The following BICD2 variants were observed in gnomAD, a reference collection of about 807,000 sequenced individuals.
The protein encoded by BICD2 is protein bicaudal D homolog 2.
Under a neutral mutation model 72.9 loss-of-function variants are expected in BICD2, and 25 were observed. The ratio of observed to expected loss-of-function variants is 0.34; its 90% CI spans 0.25 to 0.48. BICD2 has a LOEUF of 0.48. Among genes scored for constraint, BICD2 ranks in the 20% least tolerant of loss-of-function variants. BICD2 has a pLI of 0.99. For missense variants in BICD2, 894 were observed against 1,175.2 expected (o/e 0.76, Z 3.50); for synonymous variants, 501 against 516.1 (o/e 0.97, Z 0.40).
At chr9:92,760,016 A>G (rs10992451) in intron 1 of BICD2, among the ~76,000 whole-genome samples, 41,815 of 152,094 alleles carry the variant, frequency 0.27, 6,864 homozygotes, top group East Asian at 0.76. Context: ...GGGGGCTCAC[A>G]GAGCACTGGG....
intron 2 of BICD2, 43 bp downstream of exon 2, chr9:92,728,972 ACACTGGTGG>A: frequency 6.3e-7 from 1 of 1,577,564 alleles, no homozygotes; most frequent in Non-Finnish European, 8.6e-7. Context: ...CTGCTATGTG[ACACTGGTGG>A]CACTGCTGCA....
At chr9:92,750,416 A>G (rs867047269) in intron 1 of BICD2, among the ~76,000 whole-genome samples, 2 of 152,170 alleles carry the variant, frequency 1.3e-5, no homozygotes, top group Middle Eastern at 6.8e-3. Context: ...ATAGGTGAAC[A>G]GATAAATTGT....
intron 1 of BICD2, among the ~76,000 whole-genome samples, chr9:92,736,678 G>A (rs558357588): frequency 6.6e-6 from 1 of 152,278 alleles, no homozygotes; most frequent in South Asian, 2.1e-4. Flanking sequence ...TTTCTTGCGT[G>A]AGATTCAAGA....
Position 92,714,017 on chromosome 9 carries a change from A to G in BICD2, c.*1137T>C, listed in dbSNP as rs1853248199. The G allele has an allele frequency of 1.0e-6, 1 of 986,690 alleles. No individual in the cohort carries two copies. 61.1% of individuals were successfully genotyped at this position (986,690 alleles called of 1,614,324 possible). On this transcript the variant is annotated 3_prime_UTR_variant, in exon 7 of 7. Coordinates refer to ENST00000356884, the MANE Select transcript of BICD2 (RefSeq NM_001003800.2). The stretch of plus-strand genomic sequence containing the variant: ...AGAAAAGTTCTGCTCAGAATGTGGG[A>G]AGGCAGGTGTGGATGGAGCCTCTGG...
intron 2 of BICD2, among the ~76,000 whole-genome samples, chr9:92,727,988 C>T (rs1587674868): frequency 6.6e-6 from 1 of 152,234 alleles, no homozygotes; most frequent in East Asian, 1.9e-4. Context: ...GAGGCCCTGG[C>T]AGGGCTCAAT....
intron 2 of BICD2, among the ~76,000 whole-genome samples, chr9:92,727,189 C>G (rs1203731388): frequency 3.3e-5 from 5 of 152,164 alleles, no homozygotes; most frequent in Non-Finnish European, 5.9e-5. Flanking sequence ...TCTCTGACCC[C>G]TCACTCCGCT....
chr9:92,749,263 C>T (rs138435907), intron 1 of BICD2, among the ~76,000 whole-genome samples: 5 of 152,190 alleles, frequency 3.3e-5, no homozygotes, highest in African/African-American at 7.2e-5. Flanking sequence ...TCAAGCTGTA[C>T]GCTGCAGGAC....
chr9:92,713,575 G>A lies in BICD2; in HGVS notation c.*1579C>T. ...GGCGCGAGCACGTTAGTTGGCAGAA[G>A]AGAAGACCTGCATGTGTTAGCAGGG... On this transcript the variant is annotated 3_prime_UTR_variant, in exon 7 of 7. Transcript: ENST00000356884. The A allele has an allele frequency of 6.5e-7, 1 of 1,542,348 alleles. No homozygotes were observed.
At chr9:92,717,676 C>G in intron 6 of BICD2, 121 bp downstream of exon 6, 2 of 1,313,102 alleles carry the variant, frequency 1.5e-6, no homozygotes, top group Non-Finnish European at 1.0e-6. Flanking sequence ...CTGGGCACAG[C>G]CACTGACTAG....
intron 1 of BICD2, among the ~76,000 whole-genome samples, chr9:92,738,945 T>G (rs1157393521): frequency 6.6e-6 from 1 of 152,234 alleles, no homozygotes; most frequent in Non-Finnish European, 1.5e-5. Flanking sequence ...CATAGCCAGC[T>G]GGTCCCACAC....
intron 1 of BICD2, among the ~76,000 whole-genome samples, chr9:92,747,546 G>A (rs556376568): frequency 6.6e-6 from 1 of 152,208 alleles, no homozygotes; most frequent in African/African-American, 2.4e-5. Context: ...GGGCAGGATG[G>A]AAAAGTCCAG....
At chr9:92,740,769 C>T (rs1442422715) in intron 1 of BICD2, among the ~76,000 whole-genome samples, 1 of 152,058 alleles carries the variant, frequency 6.6e-6, no homozygotes, top group Non-Finnish European at 1.5e-5. Context: ...AGTACATACC[C>T]CAAAACCAGG....
At chr9:92,728,661 G>A (rs537845848) in intron 2 of BICD2, among the ~76,000 whole-genome samples, 22 of 152,344 alleles carry the variant, frequency 1.4e-4, no homozygotes, top group Non-Finnish European at 2.6e-4. Flanking sequence ...CCAGGGCAGG[G>A]GGGAGTCCAA....
chr9:92,744,813 C>G lies in BICD2; in HGVS notation c.241-15577G>C, dbSNP rs370370396. On this transcript the variant is annotated intron_variant, in intron 1 of 6. Coordinates refer to ENST00000356884, the MANE Select transcript of BICD2 (RefSeq NM_001003800.2). ...CCAAGATTGTGTCACTGCACTCCAG[C>G]CTGGATGACAGAGCGAGACTCCGTC... is the stretch of plus-strand genomic sequence containing the variant. 3.3e-5 allele frequency among the ~76,000 whole-genome samples: 5 copies of G among 151,694 alleles called. No individual in the cohort carries two copies. The East Asian group carries it at 7.8e-4, about 24-fold the overall frequency.
rs1169746331 is a variant in BICD2 at position 92,720,869 on chromosome 9, T to A, written c.607-114A>T. 1.7e-6 allele frequency: 2 copies of A among 1,149,690 alleles called. No individual in the cohort carries two copies. Among genetic ancestry groups the A allele is most frequent in the Non-Finnish European group, 2.4e-6 (2 of 829,536 alleles). The allele number at this position is 1,149,690 out of a possible 1,614,324, so 71.2% of individuals were successfully genotyped here. A position where few individuals can be genotyped will look rare whatever the true frequency, so the allele number is the denominator to read the frequency against. ...ACTCCGGCCACTATGAAGCAAAAGA[T>A]GAAGCGCCAGGTGAGGTGCCATCCT... On this transcript the variant is annotated intron_variant, in intron 3 of 6. Coordinates refer to ENST00000356884, the MANE Select transcript of BICD2 (RefSeq NM_001003800.2). This position sits in a 1 kb window ranked among gnomAD's most constrained non-coding sequence, Gnocchi z 5.4.
At chr9:92,749,249 T>G (rs576283433) in intron 1 of BICD2, among the ~76,000 whole-genome samples, 1 of 152,262 alleles carries the variant, frequency 6.6e-6, no homozygotes, top group East Asian at 1.9e-4. Context: ...CCAGCCTATA[T>G]CTATCAAGCT....
chr9:92,734,077 AACT>A (rs763152301), intron 1 of BICD2, among the ~76,000 whole-genome samples: 14 of 152,260 alleles, frequency 9.2e-5, no homozygotes, highest in Non-Finnish European at 2.1e-4. Context: ...AAAATGAATA[AACT>A]ACTGCTATAC....
At chr9:92,747,013 T>C (rs1170207415) in intron 1 of BICD2, among the ~76,000 whole-genome samples, 5 of 152,236 alleles carry the variant, frequency 3.3e-5, no homozygotes, top group African/African-American at 4.8e-5. Context: ...AAATGCAGCC[T>C]GGACTGAAAT....
intron 6 of BICD2, among the ~76,000 whole-genome samples, chr9:92,716,469 G>A (rs1853315578): frequency 6.6e-6 from 1 of 152,184 alleles, no homozygotes; most frequent in Non-Finnish European, 1.5e-5. Flanking sequence ...GGCACGTCCT[G>A]CAGGGATACT....
Sources: gnomAD v4.1 joint callset for allele counts (sites outside exome capture counted in the v4.1 genomes callset) on GRCh38, gnomAD v4.1.1 for gene constraint, Gnocchi (gnomAD v3.1) non-coding constraint, MANE v1.5 for transcripts, NCBI Gene and HGNC (gene_info 2026-07-23, HGNC 2026-07-21) for gene names.